Variants in KCNH7 observed in about 807,000 individuals in gnomAD.
KCNH7 encodes voltage-gated inwardly rectifying potassium channel KCNH7.
KCNH7 carries 49 observed loss-of-function variants against 120.8 expected under a neutral mutation model. The observed-to-expected ratio is 0.41, with a 90% CI of 0.32 to 0.51. The LOEUF is 0.51. KCNH7 is among the 20% of genes least tolerant of loss of function. The probability of loss-of-function intolerance (pLI) is 0.38; values close to 1 mark genes in which losing one functional copy is unlikely to be tolerated. For missense variants in KCNH7, 1,097 were observed against 1,446.6 expected, an observed-to-expected ratio of 0.76 and a Z score of 3.92; for synonymous variants, 547 against 516.1, an observed-to-expected ratio of 1.06 and a Z score of -0.81.
intron 2 of KCNH7, among the ~76,000 whole-genome samples, chr2:162,633,149 G>A (rs191195860): frequency 2.4e-4 from 37 of 151,836 alleles, no homozygotes; most frequent in East Asian, 5.8e-4. Flanking sequence ...TTAGCCTATC[G>A]TATCATTTAT....
At chr2:162,603,232 T>G (rs1391724762) in intron 2 of KCNH7, among the ~76,000 whole-genome samples, 1 of 151,994 alleles carries the variant, frequency 6.6e-6, no homozygotes, top group Non-Finnish European at 1.5e-5. Flanking sequence ...AGATTATAAT[T>G]AGACCTTGAG....
At chr2:162,401,292 C>T (rs1271165735) in intron 9 of KCNH7, among the ~76,000 whole-genome samples, 1 of 151,908 alleles carries the variant, frequency 6.6e-6, no homozygotes, top group Non-Finnish European at 1.5e-5. Flanking sequence ...TCAACTCTTG[C>T]TTCTCTGTGT....
At chr2:162,835,053 T>C (rs1685610373) in intron 2 of KCNH7, among the ~76,000 whole-genome samples, 1 of 152,098 alleles carries the variant, frequency 6.6e-6, no homozygotes, top group Non-Finnish European at 1.5e-5. Context: ...AAGACATGAG[T>C]TACATTTGGG....
intron 2 of KCNH7, among the ~76,000 whole-genome samples, chr2:162,686,455 G>A (rs756856457): frequency 1.3e-5 from 2 of 152,072 alleles, no homozygotes; most frequent in African/African-American, 4.8e-5. Context: ...TATTATCAGA[G>A]ATAACATTAC....
At chr2:162,437,712 ATG>A (rs1688290596) in intron 7 of KCNH7, among the ~76,000 whole-genome samples, 1 of 152,164 alleles carries the variant, frequency 6.6e-6, no homozygotes, top group Non-Finnish European at 1.5e-5. Flanking sequence ...CAGGAACTCT[ATG>A]TTTCTATTTA....
intron 15 of KCNH7, among the ~76,000 whole-genome samples, chr2:162,373,188 C>A (rs185130568): frequency 2.2e-4 from 33 of 152,198 alleles, no homozygotes; most frequent in African/African-American, 7.7e-4. Flanking sequence ...TAAATTTAAG[C>A]AGGTTGATTC....
At chr2:162,630,546 G>C (rs1235301969) in intron 2 of KCNH7, among the ~76,000 whole-genome samples, 1 of 152,010 alleles carries the variant, frequency 6.6e-6, no homozygotes, top group African/African-American at 2.4e-5. Flanking sequence ...TGAAGACACT[G>C]GCTTTAGCAA....
intron 6 of KCNH7, among the ~76,000 whole-genome samples, chr2:162,458,490 C>CTCTAG (rs1377708383): frequency 5.3e-5 from 8 of 152,210 alleles, no homozygotes; most frequent in African/African-American, 1.9e-4. Context: ...ACCAGATGGT[C>CTCTAG]TCTAGTCTAA....
chr2:162,599,136 T>C (rs188189599), intron 2 of KCNH7, among the ~76,000 whole-genome samples: 5 of 151,822 alleles, frequency 3.3e-5, no homozygotes, highest in African/African-American at 1.2e-4. Context: ...ACCCAGGAAG[T>C]GGAGGTTGCA....
chr2:162,425,248 C>T (rs1271940312), intron 8 of KCNH7, among the ~76,000 whole-genome samples: 2 of 151,950 alleles, frequency 1.3e-5, no homozygotes, highest in South Asian at 2.1e-4. Flanking sequence ...CCAATTTCTT[C>T]GAATAAATCT....
chr2:162,747,737 A>G (rs1448449772), intron 2 of KCNH7, among the ~76,000 whole-genome samples: 1 of 152,190 alleles, frequency 6.6e-6, no homozygotes, highest in Non-Finnish European at 1.5e-5. Flanking sequence ...GTTTGATGTT[A>G]TGACTTCTAT....
intron 12 of KCNH7, among the ~76,000 whole-genome samples, chr2:162,388,926 T>A (rs1686660112): frequency 1.3e-5 from 2 of 151,986 alleles, no homozygotes; most frequent in Non-Finnish European, 2.9e-5. Context: ...ATCGAAGAGC[T>A]CATTTTAATA....
At chr2:162,386,112 A>C (rs1460545716) in intron 12 of KCNH7, among the ~76,000 whole-genome samples, 1 of 151,884 alleles carries the variant, frequency 6.6e-6, no homozygotes, top group Non-Finnish European at 1.5e-5. Context: ...CAGTGATTTC[A>C]TCATTGCTGA....
intron 3 of KCNH7, among the ~76,000 whole-genome samples, chr2:162,529,122 A>G (rs1691825020): frequency 6.6e-6 from 1 of 152,012 alleles, no homozygotes; most frequent in African/African-American, 2.4e-5. Context: ...AGTGGGATAT[A>G]TGAGGTTGTA....
chr2:162,442,324 C>G (rs1294100994), intron 7 of KCNH7, among the ~76,000 whole-genome samples: 1 of 151,770 alleles, frequency 6.6e-6, no homozygotes, highest in Non-Finnish European at 1.5e-5. Flanking sequence ...CTGCGCCCGG[C>G]CGTGACATGT....
intron 2 of KCNH7, among the ~76,000 whole-genome samples, chr2:162,548,738 T>C (rs1425490535): frequency 6.6e-6 from 1 of 152,202 alleles, no homozygotes; most frequent in Non-Finnish European, 1.5e-5. Flanking sequence ...TTGGAATAAG[T>C]TACTTAACTG....
intron 2 of KCNH7, among the ~76,000 whole-genome samples, chr2:162,737,938 G>A (rs1400406672): frequency 6.6e-6 from 1 of 151,962 alleles, no homozygotes; most frequent in East Asian, 1.9e-4. Flanking sequence ...GGTGGCGCAT[G>A]CCTATAATCC....
At chr2:162,735,084 A>G (rs953440355) in intron 2 of KCNH7, among the ~76,000 whole-genome samples, 14 of 152,218 alleles carry the variant, frequency 9.2e-5, no homozygotes, top group African/African-American at 3.4e-4. Flanking sequence ...AGCAATGGCT[A>G]TGATCTGTCT....
chr2:162,506,550 T>C (rs1475079621), intron 5 of KCNH7, among the ~76,000 whole-genome samples: 1 of 151,866 alleles, frequency 6.6e-6, no homozygotes, highest in African/African-American at 2.4e-5. Flanking sequence ...TAAGAGATTA[T>C]AGATAACAGA....
Sources: allele counts gnomAD v4.1 joint callset (sites outside exome capture counted in the v4.1 genomes callset), GRCh38; gene constraint gnomAD v4.1.1; transcripts MANE v1.5; gene names NCBI Gene and HGNC (gene_info 2026-07-23, HGNC 2026-07-21).